Variants in BFAR observed in about 807,000 individuals in gnomAD.
BFAR encodes RING finger protein 47.
A neutral mutation model predicts 54.4 loss-of-function variants in BFAR; 52 were observed. The observed-to-expected ratio is 0.96, with a 90% CI of 0.77 to 1.21. The LOEUF is 1.21. BFAR is among the 50% of genes most tolerant of loss of function. The pLI is 0.00. For synonymous variants in BFAR, 215 were observed against 204.3 expected, an observed-to-expected ratio of 1.05 and a Z score of -0.45; for missense variants, 571 against 534.0, an observed-to-expected ratio of 1.07 and a Z score of -0.68.
In BFAR at chr16:14,667,715, T is replaced by C; in HGVS notation, c.1241T>C (p.Ile414Thr). The change falls in exon 8 of 8, where the codon ATC becomes ACC. Residue 414 changes from isoleucine to threonine, a missense_variant. By Grantham distance (89) the Ile-to-Thr change is moderately conservative. Transcript: ENST00000261658. Reference protein sequence around the residue: ...GLFVAMFWPLIPQFVCNCLFY... With the variant: ...GLFVAMFWPLTPQFVCNCLFY... ...TTTGTGGCCATGTTCTGGCCCCTCATCCCTCAGTTTGTTTGCAACTGTTTG... is the reference window on the plus strand; with the variant it reads ...TTTGTGGCCATGTTCTGGCCCCTCACCCCTCAGTTTGTTTGCAACTGTTTG... 1 of 1,614,062 alleles carries C rather than the reference T, an allele frequency of 6.2e-7. No homozygotes were observed. Among genetic ancestry groups the C allele is most frequent in the Non-Finnish European group, 8.5e-7 (1 of 1,179,898 alleles).
rs533787543 is a variant in BFAR, at chr16:14,658,201, T to G, written c.783+2991T>G. 4.6e-5 allele frequency among the ~76,000 whole-genome samples: 7 copies of G among 152,332 alleles called. 1 individual carries two copies. Among genetic ancestry groups the G allele is most frequent in the African/African-American group, 1.7e-4 (7 of 41,578 alleles). On this transcript the variant is annotated intron_variant, in intron 5 of 7. Coordinates refer to ENST00000261658, the MANE Select transcript of BFAR (RefSeq NM_016561.3). The stretch of plus-strand genomic sequence containing the variant: ...GGCAGGCAGCAGATGTGCTGGATTT[T>G]TTAGTCAGTTTTGAGGAGGCGGTGT...
intron 1 of BFAR, among the ~76,000 whole-genome samples, chr16:14,638,478 C>T (rs1377836678): frequency 6.6e-6 from 1 of 152,174 alleles, no homozygotes; most frequent in Admixed American, 6.5e-5. Flanking sequence ...TAGCCATATA[C>T]AATGGTCATA....
intron 6 of BFAR, among the ~76,000 whole-genome samples, chr16:14,662,744 C>T (rs888687902): frequency 3.9e-5 from 6 of 152,130 alleles, no homozygotes; most frequent in African/African-American, 1.4e-4. Flanking sequence ...TCTTGAACTC[C>T]TGAATTCAAA....
intron 2 of BFAR, 110 bp downstream of exon 2, chr16:14,644,719 C>G (rs2151837331): frequency 7.4e-7 from 1 of 1,352,190 alleles, no homozygotes; most frequent in South Asian, 1.4e-5. Context: ...GTTGCCCAGG[C>G]TGGTCTCAAA....
At position 14,658,950 on chromosome 16, in the gene BFAR, C is replaced by T. The variant is rs1408825549; in HGVS notation, c.784-2942C>T. 2.0e-5 allele frequency among the ~76,000 whole-genome samples: 3 copies of T among 151,678 alleles called. No individual in the cohort carries two copies. The East Asian group carries it at 5.8e-4, about 29-fold the overall frequency. On this transcript the variant is annotated intron_variant, in intron 5 of 7. Transcript: ENST00000261658. ...GAGATGGAGTTTTGCTCTTGTCATC[C>T]AGGCTGGAGTGCAATGGCGCGATCT...
chr16:14,648,859 T>C (rs1959882171), intron 3 of BFAR, among the ~76,000 whole-genome samples: 1 of 152,014 alleles, frequency 6.6e-6, no homozygotes, highest in Non-Finnish European at 1.5e-5. Context: ...TACAATCTTT[T>C]TTTGTTTTGT....
At chr16:14,647,524 T>TA (rs1567488028) in intron 2 of BFAR, among the ~76,000 whole-genome samples, 2 of 151,888 alleles carry the variant, frequency 1.3e-5, no homozygotes. Context: ...TGACCAAAAA[T>TA]ACAAAAATTA....
intron 1 of BFAR, among the ~76,000 whole-genome samples, chr16:14,641,106 A>G (rs923151979): frequency 6.6e-6 from 1 of 152,224 alleles, no homozygotes; most frequent in Non-Finnish European, 1.5e-5. Flanking sequence ...TTTTTGAACT[A>G]AGTAATTATT....
intron 1 of BFAR, among the ~76,000 whole-genome samples, chr16:14,637,700 C>A (rs1808452): frequency 0.036 from 5,487 of 151,890 alleles, 143 homozygotes; most frequent in Non-Finnish European, 0.052. Context: ...ATGGTGGCGC[C>A]TGCTTGTAAT....
intron 7 of BFAR, among the ~76,000 whole-genome samples, chr16:14,666,246 G>A (rs916211651): frequency 3.3e-5 from 5 of 152,158 alleles, no homozygotes; most frequent in Non-Finnish European, 7.3e-5. Flanking sequence ...AGACCACATG[G>A]AAAAGAACAA....
chr16:14,666,480 A>G (rs1304114894), intron 7 of BFAR, among the ~76,000 whole-genome samples: 1 of 152,100 alleles, frequency 6.6e-6, no homozygotes, highest in East Asian at 1.9e-4. Flanking sequence ...CTGAGGCAGG[A>G]GGATCGCTTG....
At chr16:14,662,457 C>T (rs947372896) in intron 6 of BFAR, among the ~76,000 whole-genome samples, 3 of 152,272 alleles carry the variant, frequency 2.0e-5, no homozygotes, top group South Asian at 4.1e-4. Flanking sequence ...CCTAATTACC[C>T]AGTCTCCACT....
Position 14,634,922 on chromosome 16 carries a change from G to T in BFAR, c.-74+1904G>T, listed in dbSNP as rs193031946. 3.3e-5 allele frequency among the ~76,000 whole-genome samples: 5 copies of T among 152,326 alleles called. No homozygotes were observed. The East Asian group carries it at 9.6e-4, about 29-fold the overall frequency. On this transcript the variant is annotated intron_variant, in intron 1 of 7. Transcript: ENST00000261658. ...AAGAAAGATTAATTTGGGTGTTGAG[G>T]AGTTAGTCATTAAAGACTTTCAAGT... is the stretch of plus-strand genomic sequence containing the variant.
At chr16:14,641,946 G>A (rs1349742363) in intron 1 of BFAR, among the ~76,000 whole-genome samples, 2 of 152,168 alleles carry the variant, frequency 1.3e-5, no homozygotes, top group East Asian at 1.9e-4. Flanking sequence ...CACTTGACTC[G>A]AATTCTCTTC....
At chr16:14,657,477 T>C (rs1020820354) in intron 5 of BFAR, among the ~76,000 whole-genome samples, 1 of 152,134 alleles carries the variant, frequency 6.6e-6, no homozygotes, top group Non-Finnish European at 1.5e-5. Context: ...CTGGATCTCC[T>C]GACCTTGTGA....
Position 14,667,853 on chromosome 16 carries a change from T to G in BFAR, c.*26T>G, listed in dbSNP as rs1202576977. On this transcript the variant is annotated 3_prime_UTR_variant, in exon 8 of 8. Transcript: ENST00000261658. ...CTGGCACTGCCCAGGCTGAGACTCTTCAAGTCCCGCTGACGTCTGAGCTTT... is the reference window on the plus strand; with the variant it reads ...CTGGCACTGCCCAGGCTGAGACTCTGCAAGTCCCGCTGACGTCTGAGCTTT... The G allele has an allele frequency of 6.2e-7, 1 of 1,604,248 alleles. No homozygotes were observed. Among genetic ancestry groups the G allele is most frequent in the Non-Finnish European group, 8.5e-7 (1 of 1,171,706 alleles).
Position 14,655,289 on chromosome 16 carries a change from CT to C in BFAR, c.783+85del, listed in dbSNP as rs1036055756. 5.8e-6 allele frequency: 6 copies of C among 1,037,150 alleles called. No individual in the cohort carries two copies. The African/African-American group carries it at 8.6e-5, about 15-fold the overall frequency. 64.2% of individuals were successfully genotyped at this position (1,037,150 alleles called of 1,614,324 possible). A position where few individuals can be genotyped will look rare whatever the true frequency, so the allele number is the denominator to read the frequency against. ...TAATTTTTTTTAATTTCAGGGTTTT[CT>C]TTTTTATTTTTGACAGTTTATGTAC... On this transcript the variant is annotated intron_variant, in intron 5 of 7. Transcript: ENST00000261658.
chr16:14,655,830 A>T (rs1189165943), intron 5 of BFAR, among the ~76,000 whole-genome samples: 1 of 152,158 alleles, frequency 6.6e-6, no homozygotes, highest in Non-Finnish European at 1.5e-5. Context: ...TGTCAATAAC[A>T]TTTCAGTTTA....
At chr16:14,657,312 G>A (rs1960157048) in intron 5 of BFAR, among the ~76,000 whole-genome samples, 1 of 151,682 alleles carries the variant, frequency 6.6e-6, no homozygotes, top group Non-Finnish European at 1.5e-5. Flanking sequence ...GCAGTGGCGC[G>A]ATCTCAGCTC....
Sources: allele counts gnomAD v4.1 joint callset (sites outside exome capture counted in the v4.1 genomes callset), GRCh38; gene constraint gnomAD v4.1.1; transcripts MANE v1.5; gene names NCBI Gene and HGNC (gene_info 2026-07-23, HGNC 2026-07-21).